Variants in ATAD2B observed in about 807,000 individuals in gnomAD.
ATAD2B encodes ATPase family AAA domain-containing protein 2B.
Under a neutral mutation model 167.6 loss-of-function variants are expected in ATAD2B, and 40 were observed. The observed-to-expected ratio is 0.24, with a 90% confidence interval of 0.19 to 0.31. ATAD2B has a LOEUF of 0.31. ATAD2B is among the 10% of genes least tolerant of loss of function. The pLI is 1.00. For missense variants in ATAD2B, 1,242 were observed against 1,757.2 expected (o/e 0.71, Z 5.24); for synonymous variants, 579 against 596.5 (o/e 0.97, Z 0.43).
chr2:23,778,245 T>C (rs933720825), intron 22 of ATAD2B, among the ~76,000 whole-genome samples: 3 of 152,226 alleles, frequency 2.0e-5, no homozygotes, highest in Admixed American at 1.3e-4. Context: ...CAGAGCCATA[T>C]TCTTTCATTG....
At chr2:23,880,372 T>G (rs1361357641) in intron 7 of ATAD2B, among the ~76,000 whole-genome samples, 2 of 152,018 alleles carry the variant, frequency 1.3e-5, no homozygotes, top group Non-Finnish European at 2.9e-5. Flanking sequence ...GCATTTTTAG[T>G]AGAGATGGGG....
intron 14 of ATAD2B, among the ~76,000 whole-genome samples, chr2:23,830,659 C>A (rs148612495): frequency 6.6e-6 from 1 of 152,038 alleles, no homozygotes; most frequent in South Asian, 2.1e-4. Flanking sequence ...AAAGTTAAAG[C>A]AATGATATGA....
At chr2:23,852,875 C>T (rs1483746493) in intron 13 of ATAD2B, among the ~76,000 whole-genome samples, 4 of 151,118 alleles carry the variant, frequency 2.6e-5, no homozygotes, top group Non-Finnish European at 5.9e-5. Context: ...GCCGAGATCA[C>T]GCCATTGCAC....
At chr2:23,754,605 C>T (rs770100338) in intron 26 of ATAD2B, 42 bp downstream of exon 26, 65 of 1,593,734 alleles carry the variant, frequency 4.1e-5, no homozygotes, top group Non-Finnish European at 5.1e-5. Flanking sequence ...TTCAAATCTC[C>T]GTCCATTCAT....
intron 8 of ATAD2B, among the ~76,000 whole-genome samples, chr2:23,874,647 G>A (rs1209254567): frequency 6.6e-6 from 1 of 151,538 alleles, no homozygotes; most frequent in Non-Finnish European, 1.5e-5. Flanking sequence ...AGGCTGCAAT[G>A]AGCCATGATC....
At chr2:23,915,237 C>T (rs1458090966) in intron 1 of ATAD2B, among the ~76,000 whole-genome samples, 1 of 151,912 alleles carries the variant, frequency 6.6e-6, no homozygotes, top group African/African-American at 2.4e-5. Flanking sequence ...ACTTAAAAGA[C>T]ATATATATAA....
At chr2:23,774,186 G>A (rs1344357986) in intron 22 of ATAD2B, among the ~76,000 whole-genome samples, 2 of 152,158 alleles carry the variant, frequency 1.3e-5, no homozygotes, top group Non-Finnish European at 2.9e-5. Context: ...TGGGCATGGT[G>A]GTTCACACCT....
chr2:23,760,204 C>T (rs1353353513), intron 24 of ATAD2B, among the ~76,000 whole-genome samples: 1 of 152,110 alleles, frequency 6.6e-6, no homozygotes, highest in African/African-American at 2.4e-5. Flanking sequence ...TTTTCTCTTC[C>T]TTATATAATT....
At chr2:23,739,512 G>A in the ATAD2B span, among the ~76,000 whole-genome samples, 1 of 152,034 alleles carries the variant, frequency 6.6e-6, no homozygotes, top group East Asian at 1.9e-4. Flanking sequence ...CGAGAACAAA[G>A]ACACAACATA....
In ATAD2B at chr2:23,810,307, C is replaced by T; in HGVS notation, c.2454+9G>A. 9 of 1,610,898 alleles carry T rather than the reference C, an allele frequency of 5.6e-6. No individual in the cohort carries two copies. The highest frequency in any genetic ancestry group is 7.6e-6 in the Non-Finnish European group (9 of 1,177,560). ...AAGTTGGAAGTGCTCTGATGTGGTACAAACCTACCTGTGCACATGATTCCT... is the reference window on the plus strand; with the variant it reads ...AAGTTGGAAGTGCTCTGATGTGGTATAAACCTACCTGTGCACATGATTCCT... On this transcript the variant is annotated intron_variant, in intron 18 of 27. Coordinates refer to ENST00000238789, the MANE Select transcript of ATAD2B (RefSeq NM_017552.4).
intron 1 of ATAD2B, among the ~76,000 whole-genome samples, chr2:23,925,558 C>T (rs897665708): frequency 2.0e-5 from 3 of 152,164 alleles, no homozygotes; most frequent in African/African-American, 7.2e-5. Flanking sequence ...AGCAAGTCAA[C>T]CTCTTTTAGA....
chr2:23,859,677 G>A (rs1431946740), intron 12 of ATAD2B, among the ~76,000 whole-genome samples: 1 of 152,182 alleles, frequency 6.6e-6, no homozygotes, highest in Non-Finnish European at 1.5e-5. Flanking sequence ...GCCGGGCTTG[G>A]TGGCTCATGC....
chr2:23,852,919 CAAA>C (rs1169910826), intron 13 of ATAD2B, among the ~76,000 whole-genome samples: 1 of 101,362 alleles, frequency 9.9e-6, no homozygotes, highest in African/African-American at 3.6e-5. Flanking sequence ...ACTCCATCTC[CAAA>C]AAAAAAAAAA....
the ATAD2B span, among the ~76,000 whole-genome samples, chr2:23,737,127 CACAG>C: frequency 6.6e-6 from 1 of 152,204 alleles, no homozygotes; most frequent in African/African-American, 2.4e-5. Flanking sequence ...GGGGGCAGGG[CACAG>C]ACAAACAAAA....
the ATAD2B span, among the ~76,000 whole-genome samples, chr2:23,736,292 T>C: frequency 6.6e-6 from 1 of 152,190 alleles, no homozygotes; most frequent in African/African-American, 2.4e-5. Context: ...CAGGGAAGAC[T>C]CTGCTCTCTC....
Position 23,921,520 on chromosome 2 carries a change from C to G in ATAD2B, c.216+5035G>C, listed in dbSNP as rs1372302455. ...TAGGAGACATACAATAAAACATCTA[C>G]CAAAGGATGGTTTAAAAGACTCCTT... On this transcript the variant is annotated intron_variant, in intron 1 of 27. Transcript: ENST00000238789. Among the ~76,000 whole-genome samples, 3 of 152,052 alleles carry G rather than the reference C, an allele frequency of 2.0e-5. No individual in the cohort carries two copies. The East Asian group carries it at 5.8e-4, about 29-fold the overall frequency.
rs150415566 is a variant in ATAD2B at position 23,909,451 on chromosome 2, TAC to T, written c.217-13483_217-13482del. 1.8e-3 allele frequency among the ~76,000 whole-genome samples: 269 copies of T among 149,136 alleles called. 1 individual carries two copies. The highest frequency in any genetic ancestry group is 2.4e-3 in the Non-Finnish European group (160 of 67,716). ...ACATACATACATACATATATATATA[TAC>T]ACACACACACACATACATATATATA... On this transcript the variant is annotated intron_variant, in intron 1 of 27. Coordinates refer to ENST00000238789, the MANE Select transcript of ATAD2B (RefSeq NM_017552.4).
intron 14 of ATAD2B, among the ~76,000 whole-genome samples, chr2:23,829,869 G>A (rs1204716624): frequency 6.6e-6 from 1 of 152,198 alleles, no homozygotes; most frequent in East Asian, 1.9e-4. Flanking sequence ...AGATCAAAGT[G>A]TTATAAACAA....
At chr2:23,730,665 CAAAAAAA>C in the ATAD2B span, among the ~76,000 whole-genome samples, 1,393 of 32,000 alleles carry the variant, frequency 0.044, 34 homozygotes, top group African/African-American at 0.15. Flanking sequence ...GACTCCGTTT[CAAAAAAA>C]AAAAAAAAAA....
Sources: allele counts gnomAD v4.1 joint callset (sites outside exome capture counted in the v4.1 genomes callset), GRCh38; gene constraint gnomAD v4.1.1; transcripts MANE v1.5; gene names NCBI Gene and HGNC (gene_info 2026-07-23, HGNC 2026-07-21).